KIDINS220: variants seen among roughly 807,000 people sequenced by gnomAD.
KIDINS220 encodes the protein kinase D-interacting substrate of 220 kDa.
In KIDINS220, 63 loss-of-function variants were observed where a neutral mutation model predicts 157.6. The ratio of observed to expected loss-of-function variants is 0.40; its 90% CI spans 0.33 to 0.49. The LOEUF (loss-of-function observed/expected upper bound fraction) is 0.49. Ranked by LOEUF, KIDINS220 falls within the 20% of genes least tolerant of loss-of-function variation. KIDINS220 has a pLI of 0.66. For missense variants in KIDINS220, 1,772 were observed against 2,171.2 expected (o/e 0.82, Z 3.65); for synonymous variants, 732 against 783.6 (o/e 0.93, Z 1.10).
At chr2:8,772,114 C>A (rs551239536) in intron 21 of KIDINS220, among the ~76,000 whole-genome samples, 30 of 152,228 alleles carry the variant, frequency 2.0e-4, no homozygotes, top group African/African-American at 7.2e-4. Flanking sequence ...ACAGCAAATG[C>A]ACCATGCATG....
rs150500003 is a variant in KIDINS220 at position 8,785,069 on chromosome 2, T to C, written c.2229+672A>G. On this transcript the variant is annotated intron_variant, in intron 17 of 29. Coordinates refer to ENST00000256707, the MANE Select transcript of KIDINS220 (RefSeq NM_020738.4). ...TATCCAGACAATGGCACATTAGCCA[T>C]GCTAAAAAGAAATGAGCTAGCAGGT... is the stretch of plus-strand genomic sequence containing the variant. Among the ~76,000 whole-genome samples the C allele has an allele frequency of 7.8e-3, 1,189 of 152,330 alleles. 4 individuals carry two copies. The highest frequency in any genetic ancestry group is 0.012 in the Non-Finnish European group (811 of 68,032).
At chr2:8,772,908 G>A (rs1345446269) in intron 21 of KIDINS220, among the ~76,000 whole-genome samples, 2 of 152,150 alleles carry the variant, frequency 1.3e-5, no homozygotes, top group Admixed American at 1.3e-4. Flanking sequence ...AGGCTAAGAA[G>A]TAACATGCCC....
downstream of KIDINS220, chr2:8,725,504 C>T (rs1262200779): frequency 2.0e-5 from 3 of 152,148 alleles, no homozygotes; most frequent in African/African-American, 7.2e-5. Context: ...CTTCTCCAGT[C>T]GACTGGACAG....
chr2:8,749,714 A>G (rs188185920), intron 24 of KIDINS220, among the ~76,000 whole-genome samples: 1 of 152,302 alleles, frequency 6.6e-6, no homozygotes. Context: ...TAGGTTTACT[A>G]AACTACTATA....
At chr2:8,748,748 T>TA (rs1480264862) in intron 24 of KIDINS220, among the ~76,000 whole-genome samples, 2 of 152,068 alleles carry the variant, frequency 1.3e-5, no homozygotes, top group Admixed American at 6.5e-5. Flanking sequence ...CTTTTAACAC[T>TA]AAAAAATCTC....
chr2:8,736,515 A>AC (rs1664880460), intron 27 of KIDINS220, among the ~76,000 whole-genome samples: 1 of 152,232 alleles, frequency 6.6e-6, no homozygotes, highest in Non-Finnish European at 1.5e-5. Context: ...TTAGAAAAAA[A>AC]TGTAACACAA....
rs148788622 is a variant in KIDINS220, at chr2:8,825,295, G to T, written c.108+1691C>A. Among the ~76,000 whole-genome samples, 168 of 151,208 alleles carry T rather than the reference G, an allele frequency of 1.1e-3. 2 individuals carry two copies. The East Asian group carries it at 0.031, about 28-fold the overall frequency. ...GGCTGAGGCATGAGAATCACTGGAA[G>T]GCAGGGGGCGGAGGTTGCAGTGAGC... On this transcript the variant is annotated intron_variant, in intron 2 of 29. Transcript: ENST00000256707.
chr2:8,824,487 C>A (rs1678457179), intron 2 of KIDINS220, among the ~76,000 whole-genome samples: 2 of 152,080 alleles, frequency 1.3e-5, no homozygotes, highest in African/African-American at 4.8e-5. Flanking sequence ...TGGAGACCAG[C>A]CTGGGCAACA....
At position 8,786,243 on chromosome 2, in the gene KIDINS220, G is replaced by C. The variant is rs1672381232; in HGVS notation, c.1902C>G (p.Thr634=). 6.2e-7 allele frequency: 1 copy of C among 1,614,098 alleles called. No individual in the cohort carries two copies. Among genetic ancestry groups the C allele is most frequent in the Non-Finnish European group, 8.5e-7 (1 of 1,180,000 alleles). Residue 634 remains threonine, a synonymous_variant, in exon 16 of 30, where the codon ACC becomes ACG. Coordinates refer to ENST00000256707, the MANE Select transcript of KIDINS220 (RefSeq NM_020738.4). ...ACEREFGFLA[T]RLFRVFKTED... is the part of the protein sequence containing the mutation. Reference sequence around the variant, plus strand: ...CAGTCTTGAATACTCGAAAAAGCCTGGTTGCCAAAAAGCCAAACTCTCTTT... The same window carrying C: ...CAGTCTTGAATACTCGAAAAAGCCTCGTTGCCAAAAAGCCAAACTCTCTTT...
intron 2 of KIDINS220, among the ~76,000 whole-genome samples, chr2:8,819,155 A>G (rs541012574): frequency 6.6e-6 from 1 of 152,350 alleles, no homozygotes; most frequent in African/African-American, 2.4e-5. Context: ...CAGGTAGAAT[A>G]TGATCTAAAA....
chr2:8,730,699 CTT>C lies in KIDINS220; in HGVS notation c.*19_*20del. 6.2e-7 allele frequency: 1 copy of C among 1,605,788 alleles called. No individual in the cohort carries two copies. The highest frequency in any genetic ancestry group is 8.5e-7 in the Non-Finnish European group (1 of 1,176,880). On this transcript the variant is annotated 3_prime_UTR_variant, in exon 30 of 30. Transcript: ENST00000256707. ...TCTGTCATAAAGGTACAGTAACACT[CTT>C]CTCCTTTGCTTGTTTTTCTCAAAGA...
At chr2:8,801,026 A>C (rs1674619185) in intron 8 of KIDINS220, among the ~76,000 whole-genome samples, 1 of 152,196 alleles carries the variant, frequency 6.6e-6, no homozygotes, top group African/African-American at 2.4e-5. Flanking sequence ...TGACAGTTAC[A>C]GGCCAGTAGT....
intron 18 of KIDINS220, among the ~76,000 whole-genome samples, 170 bp from the exon 19 acceptor site, chr2:8,779,309 G>C (rs545726002): frequency 6.6e-6 from 1 of 152,088 alleles, no homozygotes; most frequent in Non-Finnish European, 1.5e-5. Context: ...GCTCAATCTA[G>C]GTTTGTTGTC....
chr2:8,823,730 T>A (rs1678338666), intron 2 of KIDINS220, among the ~76,000 whole-genome samples: 1 of 152,190 alleles, frequency 6.6e-6, no homozygotes, highest in Non-Finnish European at 1.5e-5. Context: ...TAAAATTTAA[T>A]GTTTTGAAAC....
chr2:8,804,990 C>T (rs929411215), intron 7 of KIDINS220, among the ~76,000 whole-genome samples: 4 of 152,198 alleles, frequency 2.6e-5, no homozygotes, highest in South Asian at 2.1e-4. Flanking sequence ...TAAATTGGAG[C>T]TCCCACAACC....
chr2:8,776,954 T>G, intron 20 of KIDINS220, 62 bp from the exon 21 acceptor site: 1 of 1,525,130 alleles, frequency 6.6e-7, no homozygotes. Context: ...CTTAAGGCTT[T>G]TTGAGATGTT....
chr2:8,809,989 C>T (rs533802061), intron 6 of KIDINS220, among the ~76,000 whole-genome samples: 1 of 152,230 alleles, frequency 6.6e-6, no homozygotes, highest in African/African-American at 2.4e-5. Context: ...TCCTCCCACC[C>T]ATCTCCTCAC....
At position 8,745,579 on chromosome 2, in the gene KIDINS220, A is replaced by T. The variant is rs138942848; in HGVS notation, c.3585+1566T>A. On this transcript the variant is annotated intron_variant, in intron 26 of 29. Transcript: ENST00000256707. Reference sequence around the variant, plus strand: ...TTTGGGAGGCCAAGACGGGCAGATCACAAGGTCAGGAGTTCGAGACCAGCC... The same window carrying T: ...TTTGGGAGGCCAAGACGGGCAGATCTCAAGGTCAGGAGTTCGAGACCAGCC... 4.6e-5 allele frequency among the ~76,000 whole-genome samples: 7 copies of T among 152,266 alleles called. No individual in the cohort carries two copies. The East Asian group carries it at 1.4e-3, about 29-fold the overall frequency.
At chr2:8,822,431 C>G (rs1249288589) in intron 2 of KIDINS220, among the ~76,000 whole-genome samples, 1 of 152,078 alleles carries the variant, frequency 6.6e-6, no homozygotes, top group Non-Finnish European at 1.5e-5. Context: ...GTAGAATAGC[C>G]TGGGCAACAT....
Sources: gnomAD v4.1 joint callset for allele counts (sites outside exome capture counted in the v4.1 genomes callset) on GRCh38, gnomAD v4.1.1 for gene constraint, MANE v1.5 for transcripts, NCBI Gene and HGNC (gene_info 2026-07-23, HGNC 2026-07-21) for gene names.